APC: variants seen among roughly 807,000 people sequenced by gnomAD.
APC encodes the protein adenomatous polyposis coli protein.
A neutral mutation model predicts 247.0 loss-of-function variants in APC; 72 were observed. The ratio of observed to expected loss-of-function variants is 0.29; its 90% CI spans 0.24 to 0.35. The LOEUF (loss-of-function observed/expected upper bound fraction) is 0.35. Ranked by LOEUF, APC falls within the 10% of genes least tolerant of loss-of-function variation. The pLI is 1.00. For synonymous variants in APC, 1,254 were observed against 1,162.5 expected, an observed-to-expected ratio of 1.08 and a Z score of -1.60; for missense variants, 3,400 against 3,360.7, an observed-to-expected ratio of 1.01 and a Z score of -0.29.
chr5:112,709,904 TAACA>T (rs532243523), intron 1 of APC, among the ~76,000 whole-genome samples: 4 of 152,250 alleles, frequency 2.6e-5, no homozygotes, highest in South Asian at 4.1e-4. Flanking sequence ...CCCTGTCTCC[TAACA>T]AACAAACAAA....
Position 112,841,324 on chromosome 5 carries a change from A to G in APC, c.5730A>G (p.Thr1910=). The G allele has an allele frequency of 6.2e-7, 1 of 1,614,034 alleles. No homozygotes were observed. Among genetic ancestry groups the G allele is most frequent in the Non-Finnish European group, 8.5e-7 (1 of 1,179,936 alleles). The change falls in exon 16 of 16, where the codon ACA becomes ACG. Residue 1910 remains threonine (T), a synonymous_variant. Coordinates refer to ENST00000257430, the MANE Select transcript of APC (RefSeq NM_000038.6). The surrounding 1 kb of genome is among the most constrained non-coding windows in gnomAD (Gnocchi z 4.6). ...CCAACCAACAATCAGCTAATAAGAC[A>G]CAAGCTATTGCAAAGCAGCCAATAA... The part of the protein sequence containing the change: ...LTSNQQSANK[T]QAIAKQPINR...
At position 112,827,327 on chromosome 5, in the gene APC, T is replaced by A. The variant is rs2149811204; in HGVS notation, c.1548+80T>A. Reference sequence around the variant, plus strand: ...TTTCATACAAATACATTTTACTGATTTTCTTTTTTTTCACTCTCCTCATTA... The same window carrying A: ...TTTCATACAAATACATTTTACTGATATTCTTTTTTTTCACTCTCCTCATTA... On this transcript the variant is annotated intron_variant, in intron 12 of 15. Coordinates refer to ENST00000257430, the MANE Select transcript of APC (RefSeq NM_000038.6). 2.7e-6 allele frequency: 4 copies of A among 1,501,108 alleles called. No individual in the cohort carries two copies. The East Asian group carries it at 9.1e-5, about 34-fold the overall frequency. 93.0% of individuals were successfully genotyped at this position (1,501,108 alleles called of 1,614,324 possible).
chr5:112,707,984 C>T, intron 1 of APC: 2 of 1,166,268 alleles, frequency 1.7e-6, no homozygotes, highest in South Asian at 3.2e-5. Context: ...GACTCTGTGG[C>T]TCTCTTCTCT....
chr5:112,814,372 A>G lies in APC; in HGVS notation c.835-1123A>G, dbSNP rs142127653. ...ATTCAAAGTGAGCTCAGTTCCCCCA[A>G]TGAAAGCCATCATTTATTTCTGGGT... On this transcript the variant is annotated intron_variant, in intron 8 of 15. Transcript: ENST00000257430. Among the ~76,000 whole-genome samples the G allele has an allele frequency of 1.3e-3, 200 of 152,272 alleles. 1 individual carries two copies. In the South Asian group the frequency reaches 0.014, roughly 10 times the overall value.
chr5:112,754,844 G>T, intron 1 of APC, 29 bp from the exon 2 acceptor site: 2 of 1,610,552 alleles, frequency 1.2e-6, no homozygotes, highest in Non-Finnish European at 1.7e-6. Flanking sequence ...TTTTAGTAGT[G>T]AATTTCAAAA....
At chr5:112,830,987 A>T (rs931524250) in intron 14 of APC, among the ~76,000 whole-genome samples, 1 of 152,066 alleles carries the variant, frequency 6.6e-6, no homozygotes, top group Non-Finnish European at 1.5e-5. Flanking sequence ...ACACTTAAGT[A>T]CTCCTACTCT....
chr5:112,827,507 G>A (rs1019376245), intron 12 of APC, among the ~76,000 whole-genome samples: 1 of 151,516 alleles, frequency 6.6e-6, no homozygotes, highest in Non-Finnish European at 1.5e-5. Flanking sequence ...GAATATACTT[G>A]TAGGGATCAT....
At chr5:112,728,025 A>G (rs1420082069) in intron 1 of APC, among the ~76,000 whole-genome samples, 1 of 152,122 alleles carries the variant, frequency 6.6e-6, no homozygotes, top group Non-Finnish European at 1.5e-5. Context: ...CACAGCTTTG[A>G]ATGCGGCCCA....
intron 10 of APC, among the ~76,000 whole-genome samples, chr5:112,819,944 C>T (rs999306093): frequency 1.5e-4 from 23 of 152,114 alleles, no homozygotes; most frequent in African/African-American, 5.6e-4. Flanking sequence ...TCTCCTGACT[C>T]TCAGCTCGGT....
chr5:112,765,944 G>C (rs528914029), intron 2 of APC, among the ~76,000 whole-genome samples: 4 of 152,240 alleles, frequency 2.6e-5, no homozygotes, highest in African/African-American at 9.6e-5. Flanking sequence ...GGTCATGTTG[G>C]TGCACGCTTA....
At chr5:112,713,195 T>G (rs1033305825) in intron 1 of APC, among the ~76,000 whole-genome samples, 24 of 151,068 alleles carry the variant, frequency 1.6e-4, no homozygotes, top group African/African-American at 5.8e-4. Context: ...AACCAGTATC[T>G]CACATAAAAA....
At position 112,745,156 on chromosome 5, in the gene APC, T is replaced by C. The variant is rs1271343199; in HGVS notation, c.-19+7231T>C. Among the ~76,000 whole-genome samples, 8 of 152,214 alleles carry C rather than the reference T, an allele frequency of 5.3e-5. No homozygotes were observed. The East Asian group carries it at 1.5e-3, about 29-fold the overall frequency. ...GTCAGTTATAGAACTTTATATACTT[T>C]TCCTTTTAAAACATTTTTAGTAAAA... On this transcript the variant is annotated intron_variant, in intron 1 of 15. Transcript: ENST00000257430.
At chr5:112,727,291 G>C (rs1030416290) in intron 1 of APC, among the ~76,000 whole-genome samples, 29 of 151,750 alleles carry the variant, frequency 1.9e-4, no homozygotes, top group African/African-American at 6.8e-4. Context: ...AAAAAATTCA[G>C]CATGTAGCAA....
At chr5:112,792,246 GAAAAAAAAAGAAA>G (rs1759699328) in intron 6 of APC, among the ~76,000 whole-genome samples, 187 bp from the exon 7 acceptor site, 1 of 146,476 alleles carries the variant, frequency 6.8e-6, no homozygotes, top group Non-Finnish European at 1.5e-5. Context: ...ACTCTGTCTC[GAAAAAAAAAGAAA>G]AAAAGAAAAG....
At chr5:112,788,445 C>T (rs1759218688) in intron 6 of APC, among the ~76,000 whole-genome samples, 1 of 152,164 alleles carries the variant, frequency 6.6e-6, no homozygotes, top group Admixed American at 6.5e-5. Context: ...AGACCTGCCA[C>T]TTAGCAACAC....
At chr5:112,787,832 G>A (rs188479125) in intron 6 of APC, among the ~76,000 whole-genome samples, 21 of 152,196 alleles carry the variant, frequency 1.4e-4, no homozygotes, top group Non-Finnish European at 2.2e-4. Flanking sequence ...TACTGAAGTC[G>A]TAAAGGTAAT....
At chr5:112,777,641 T>TAA (rs2149625339) in intron 5 of APC, 1 of 194,450 alleles carries the variant, frequency 5.1e-6, no homozygotes, top group African/African-American at 2.4e-5. Context: ...GGCGAACAAT[T>TAA]ACTGTGCTTC....
Position 112,766,096 on chromosome 5 carries a change from C to A in APC, c.136-230C>A, listed in dbSNP as rs2464805. 0.66 allele frequency among the ~76,000 whole-genome samples: 100,563 copies of A among 151,850 alleles called. 33,671 individuals are homozygous for A. The highest frequency in any genetic ancestry group is 0.87 in the East Asian group (4,497 of 5,170). On this transcript the variant is annotated intron_variant, in intron 2 of 15. Transcript: ENST00000257430. ...TAATGAATGTATCTTAAATGTGTTT[C>A]TAATACCTTGCACAGAGACTCCCCA...
chr5:112,741,682 A>G (rs764166256), intron 1 of APC, among the ~76,000 whole-genome samples: 3 of 152,190 alleles, frequency 2.0e-5, no homozygotes, highest in Non-Finnish European at 4.4e-5. Context: ...CATTAAGTTC[A>G]TTCACATTGT....
Sources: allele counts gnomAD v4.1 joint callset (sites outside exome capture counted in the v4.1 genomes callset), GRCh38; gene constraint gnomAD v4.1.1; non-coding constraint Gnocchi (gnomAD v3.1); transcripts MANE v1.5; gene names NCBI Gene and HGNC (gene_info 2026-07-23, HGNC 2026-07-21).